The following XCR1 variants were observed in gnomAD, a reference collection of about 807,000 sequenced individuals.
The protein encoded by XCR1 is chemokine XC receptor 1.
For missense variants in XCR1, 356 were observed against 424.2 expected (o/e 0.84, Z 1.41); for synonymous variants, 187 against 188.5 (o/e 0.99, Z 0.06).
At chr3:46,024,302 A>G in intron 1 of XCR1, 1 of 282,468 alleles carries the variant, frequency 3.5e-6, no homozygotes. Context: ...GGACTGTGGG[A>G]GAATAGGCAT....
intron 3 of XCR1, among the ~76,000 whole-genome samples, chr3:46,070,212 A>C (rs560948314): frequency 6.6e-6 from 1 of 152,140 alleles, no homozygotes; most frequent in Non-Finnish European, 1.5e-5. Flanking sequence ...CAGATGATCT[A>C]TCTTGGAGAA....
At chr3:46,062,792 A>G (rs917769710) in intron 4 of XCR1, among the ~76,000 whole-genome samples, 1 of 152,250 alleles carries the variant, frequency 6.6e-6, no homozygotes, top group East Asian at 1.9e-4. Context: ...GGCAGCATCC[A>G]GAGGGCCTGT....
intron 4 of XCR1, among the ~76,000 whole-genome samples, chr3:46,062,972 T>C (rs930893339): frequency 6.6e-6 from 1 of 152,212 alleles, no homozygotes; most frequent in African/African-American, 2.4e-5. Flanking sequence ...GTGGAAGTAT[T>C]TGGACCTCAA....
chr3:46,057,116 A>G (rs1697867608), intron 4 of XCR1, among the ~76,000 whole-genome samples: 1 of 152,214 alleles, frequency 6.6e-6, no homozygotes, highest in Admixed American at 6.5e-5. Context: ...TACATAATGT[A>G]TGATTCCATT....
intron 3 of XCR1, among the ~76,000 whole-genome samples, chr3:46,069,469 T>C (rs1386055584): frequency 6.6e-6 from 1 of 152,150 alleles, no homozygotes; most frequent in Non-Finnish European, 1.5e-5. Context: ...AGCTAACCCT[T>C]GTACGGGGGG....
At position 46,078,324 on chromosome 3, in the gene XCR1, C is replaced by T. The variant is rs1028258855; in HGVS notation, c.-514-1398G>A. On this transcript the variant is annotated intron_variant, in intron 1 of 5. Transcript: ENST00000683768. Reference sequence around the variant, plus strand: ...TATCTGACTTACCTCCCAGACTCAGCGCCTGGCCAGCTCTGGGAACCTCTT... The same window carrying T: ...TATCTGACTTACCTCCCAGACTCAGTGCCTGGCCAGCTCTGGGAACCTCTT... Among the ~76,000 whole-genome samples the T allele has an allele frequency of 3.9e-5, 6 of 152,162 alleles. No homozygotes were observed. In the East Asian group the frequency reaches 5.8e-4, roughly 15 times the overall value.
intron 1 of XCR1, among the ~76,000 whole-genome samples, chr3:46,022,995 G>T (rs186871039): frequency 6.6e-6 from 1 of 152,322 alleles, no homozygotes; most frequent in East Asian, 1.9e-4. Flanking sequence ...GAAAGTCTCA[G>T]CAGAGAAAGA....
At chr3:46,073,718 C>A (rs1202496338) in intron 3 of XCR1, among the ~76,000 whole-genome samples, 3 of 110,942 alleles carry the variant, frequency 2.7e-5, no homozygotes, top group African/African-American at 1.4e-4. Context: ...GGAATTCAAA[C>A]AACTCAACAA....
chr3:46,048,211 C>A (rs777055554), intron 5 of XCR1, among the ~76,000 whole-genome samples: 4 of 152,168 alleles, frequency 2.6e-5, no homozygotes, highest in Non-Finnish European at 5.9e-5. Flanking sequence ...CTGGAGCCCA[C>A]TCTCCCTGAT....
intron 1 of XCR1, among the ~76,000 whole-genome samples, chr3:46,027,189 C>T (rs58035200): frequency 0.22 from 33,370 of 152,124 alleles, 3,783 homozygotes; most frequent in Middle Eastern, 0.33. Context: ...GCTGGAATTA[C>T]AGGCATGAGC....
chr3:46,058,177 G>A (rs1240556347), intron 4 of XCR1, among the ~76,000 whole-genome samples: 1 of 152,106 alleles, frequency 6.6e-6, no homozygotes, highest in Non-Finnish European at 1.5e-5. Flanking sequence ...TATTTCCATT[G>A]GTAAAGAGGG....
chr3:46,058,342 A>C (rs1697893566), intron 4 of XCR1, among the ~76,000 whole-genome samples: 1 of 152,176 alleles, frequency 6.6e-6, no homozygotes, highest in Non-Finnish European at 1.5e-5. Flanking sequence ...ATGTTAGAGA[A>C]AGTGGAGAAG....
At chr3:46,040,425 A>G (rs956464776) in intron 5 of XCR1, among the ~76,000 whole-genome samples, 5 of 152,128 alleles carry the variant, frequency 3.3e-5, no homozygotes, top group Admixed American at 2.0e-4. Context: ...TCCAAGAGAG[A>G]TCTATTAGGC....
chr3:46,017,961 T>C lies in XCR1; in HGVS notation c.*2985A>G, dbSNP rs1708074930. The C allele has an allele frequency of 6.6e-6, 1 of 152,260 alleles. No homozygotes were observed. The allele number at this position is 152,260 out of a possible 1,614,324, so 9.4% of individuals were successfully genotyped here. A position where few individuals can be genotyped will look rare whatever the true frequency, so the allele number is the denominator to read the frequency against. ...GACAGCGTGGCTCATGGTGTGCAAC[T>C]CTCTGGAAACTCCTTTTCAGCAGTG... On this transcript the variant is annotated 3_prime_UTR_variant, in exon 2 of 2. Coordinates refer to ENST00000309285, the MANE Select transcript of XCR1 (RefSeq NM_001024644.2).
At chr3:46,040,468 C>T (rs548191502) in intron 5 of XCR1, among the ~76,000 whole-genome samples, 20 of 152,224 alleles carry the variant, frequency 1.3e-4, no homozygotes, top group Non-Finnish European at 2.1e-4. Context: ...TAGAATTATA[C>T]AGCAAGCATT....
chr3:46,030,276 A>G (rs976923456), upstream of XCR1, among the ~76,000 whole-genome samples: 4 of 152,188 alleles, frequency 2.6e-5, no homozygotes, highest in Non-Finnish European at 5.9e-5. Flanking sequence ...GTCTTTCACT[A>G]CAAGTATGAT....
chr3:46,049,366 G>C (rs1032213802), intron 5 of XCR1, among the ~76,000 whole-genome samples: 1 of 152,206 alleles, frequency 6.6e-6, no homozygotes, highest in Non-Finnish European at 1.5e-5. Flanking sequence ...TGAGCTTGCT[G>C]AAACACAGAA....
At chr3:46,049,757 T>A (rs1198052676) in intron 5 of XCR1, among the ~76,000 whole-genome samples, 2 of 152,070 alleles carry the variant, frequency 1.3e-5, no homozygotes, top group Admixed American at 6.6e-5. Context: ...CCACCTGGAG[T>A]AGGCTTGTGA....
chr3:46,063,732 A>C (rs1698009874), intron 4 of XCR1, among the ~76,000 whole-genome samples: 1 of 151,982 alleles, frequency 6.6e-6, no homozygotes, highest in Non-Finnish European at 1.5e-5. Flanking sequence ...AAACTCTCTC[A>C]CGTCCCCCTT....
Sources: allele counts gnomAD v4.1 joint callset (sites outside exome capture counted in the v4.1 genomes callset), GRCh38; gene constraint gnomAD v4.1.1; transcripts MANE v1.5; gene names NCBI Gene and HGNC (gene_info 2026-07-23, HGNC 2026-07-21).